Variants in ASIP observed in about 807,000 individuals in gnomAD.
ASIP encodes agouti-signaling protein.
Under a neutral mutation model 10.3 loss-of-function variants are expected in ASIP, and 11 were observed. The ratio of observed to expected loss-of-function variants is 1.07; its 90% CI spans 0.68 to 1.78. The LOEUF (loss-of-function observed/expected upper bound fraction) is 1.78. ASIP is among the 40% of genes most tolerant of loss of function. The pLI is 0.00. For synonymous variants in ASIP, 70 were observed against 70.8 expected (o/e 0.99, Z 0.06); for missense variants, 180 against 169.2 (o/e 1.06, Z -0.35).
chr20:34,262,924 T>A lies in ASIP; in HGVS notation c.222+31T>A, dbSNP rs150059097. The stretch of plus-strand genomic sequence containing the variant: ...GGCAGGGAAGTTCTGGGAGTTCTCA[T>A]TGTTGGGGTGAGACTGGACTTAAAG... On this transcript the variant is annotated intron_variant, in intron 3 of 3. Coordinates refer to ENST00000374954, the MANE Select transcript of ASIP (RefSeq NM_001672.3). 191 of 1,612,160 alleles carry A rather than the reference T, an allele frequency of 1.2e-4. No homozygotes were observed. The Admixed American group carries it at 3.1e-3, about 26-fold the overall frequency.
chr20:34,224,170 ACCCTGCCAAATCC>A (rs2035076903), intron 1 of ASIP, among the ~76,000 whole-genome samples: 1 of 148,852 alleles, frequency 6.7e-6, no homozygotes, highest in East Asian at 2.0e-4. Context: ...TTGTCCCATG[ACCCTGCCAAATCC>A]CCCTCTGTGA....
At chr20:34,225,468 C>A (rs1454515621) in intron 1 of ASIP, among the ~76,000 whole-genome samples, 1 of 151,944 alleles carries the variant, frequency 6.6e-6, no homozygotes, top group Non-Finnish European at 1.5e-5. Context: ...TTTTTAACAT[C>A]TGACAGGATG....
chr20:34,202,801 C>CT (rs34156089), intron 1 of ASIP, among the ~76,000 whole-genome samples: 939 of 57,278 alleles, frequency 0.016, 42 homozygotes, highest in Middle Eastern at 0.029. Context: ...CTTGGCTATT[C>CT]TTTTTTTTTT....
intron 1 of ASIP, among the ~76,000 whole-genome samples, chr20:34,202,050 G>T: frequency 6.7e-6 from 1 of 149,110 alleles, no homozygotes; most frequent in African/African-American, 2.5e-5. Flanking sequence ...AAACAGCTAA[G>T]TTACTTGATT....
chr20:34,212,273 AC>A (rs1456823083), intron 1 of ASIP, among the ~76,000 whole-genome samples: 7 of 152,088 alleles, frequency 4.6e-5, no homozygotes. Context: ...ACTCCCATAC[AC>A]CCAATCTCTG....
At chr20:34,260,595 T>C in intron 2 of ASIP, 61 bp downstream of exon 2, 1 of 1,494,520 alleles carries the variant, frequency 6.7e-7, no homozygotes. Context: ...TCAAGCATGC[T>C]TCCCAGGGTG....
upstream of ASIP, among the ~76,000 whole-genome samples, chr20:34,192,591 A>C (rs574658588): frequency 2.8e-5 from 4 of 141,864 alleles, no homozygotes; most frequent in East Asian, 8.2e-4. Flanking sequence ...ACCCTTTGGG[A>C]TTGGGAGTGT....
intron 3 of ASIP, among the ~76,000 whole-genome samples, chr20:34,264,117 C>T (rs191019004): frequency 6.6e-6 from 1 of 152,164 alleles, no homozygotes; most frequent in East Asian, 1.9e-4. Context: ...TTATCACTTG[C>T]TATCATACAA....
intron 1 of ASIP, among the ~76,000 whole-genome samples, chr20:34,235,413 C>T (rs2035167224): frequency 6.6e-6 from 1 of 152,152 alleles, no homozygotes; most frequent in Non-Finnish European, 1.5e-5. Context: ...GCACTCCAGC[C>T]TGGGTGACAC....
intron 3 of ASIP, among the ~76,000 whole-genome samples, chr20:34,265,256 CT>C (rs1327979030): frequency 7.2e-5 from 11 of 152,294 alleles, no homozygotes; most frequent in African/African-American, 2.6e-4. Context: ...GGCACGGTGG[CT>C]CACACCTATA....
At chr20:34,240,820 C>T (rs954007922), upstream of ASIP, among the ~76,000 whole-genome samples, 7 of 152,282 alleles carry the variant, frequency 4.6e-5, no homozygotes, top group Admixed American at 3.3e-4. Flanking sequence ...ACTTCCCTTC[C>T]AATCCCTTGT....
At chr20:34,246,056 T>C in intron 1 of ASIP, 1 of 904,916 alleles carries the variant, frequency 1.1e-6, no homozygotes, top group African/African-American at 1.7e-5. Flanking sequence ...CCCCGAATAA[T>C]TTCATCCTCC....
At chr20:34,196,219 G>A (rs980542678) in intron 1 of ASIP, among the ~76,000 whole-genome samples, 8 of 127,630 alleles carry the variant, frequency 6.3e-5, no homozygotes, top group East Asian at 2.3e-4. Context: ...CCGCTGTGTC[G>A]CCCAGGCTGG....
In ASIP at chr20:34,227,736, A is replaced by G. The variant is rs538777331; in HGVS notation, c.-10-32629A>G. 7.2e-5 allele frequency among the ~76,000 whole-genome samples: 11 copies of G among 152,306 alleles called. No individual in the cohort carries two copies. The East Asian group carries it at 1.9e-3, about 27-fold the overall frequency. On this transcript the variant is annotated intron_variant, in intron 1 of 3. Transcript: ENST00000568305. ...TATCAATAGATTCAACACAACTCCA[A>G]TCAAACTCCCAGTAGGTTTTAGTAG...
At chr20:34,235,870 G>GAAGGAAGGAAGGAAGGAAGGA (rs2035188303) in intron 1 of ASIP, among the ~76,000 whole-genome samples, 1 of 28,966 alleles carries the variant, frequency 3.5e-5, no homozygotes, top group Non-Finnish European at 6.0e-5. Context: ...GGAAGGAAAG[G>GAAGGAAGGAAGGAAGGAAGGA]AAGGAAGGAA....
intron 1 of ASIP, among the ~76,000 whole-genome samples, chr20:34,205,224 G>T (rs1161882189): frequency 6.6e-6 from 1 of 152,182 alleles, no homozygotes; most frequent in Non-Finnish European, 1.5e-5. Flanking sequence ...TCGTGGTCTT[G>T]CCGACTTCAG....
intron 1 of ASIP, among the ~76,000 whole-genome samples, chr20:34,252,615 C>G (rs1010910688): frequency 1.3e-5 from 2 of 152,142 alleles, no homozygotes; most frequent in African/African-American, 4.8e-5. Context: ...CAGGGAGGAG[C>G]AGGAGACAGA....
intron 1 of ASIP, among the ~76,000 whole-genome samples, chr20:34,250,809 T>G (rs1468175672): frequency 6.6e-6 from 1 of 152,152 alleles, no homozygotes; most frequent in African/African-American, 2.4e-5. Flanking sequence ...GCCACATGAC[T>G]GGGAGACTGT....
chr20:34,198,092 C>G (rs1390982666), intron 1 of ASIP, among the ~76,000 whole-genome samples: 2 of 143,174 alleles, frequency 1.4e-5, no homozygotes, highest in Non-Finnish European at 3.0e-5. Context: ...GAGTCTCACT[C>G]TGCCACTCAG....
Sources: gnomAD v4.1 joint callset for allele counts (sites outside exome capture counted in the v4.1 genomes callset) on GRCh38, gnomAD v4.1.1 for gene constraint, MANE v1.5 for transcripts, NCBI Gene and HGNC (gene_info 2026-07-23, HGNC 2026-07-21) for gene names.